The following CAST variants were observed in gnomAD, a reference collection of about 807,000 sequenced individuals.
The protein encoded by CAST is calpastatin, also known as MIR583 host.
CAST carries 76 observed loss-of-function variants against 119.6 expected under a neutral mutation model. The observed-to-expected ratio is 0.64, with a 90% CI of 0.53 to 0.77. CAST has a LOEUF of 0.77. Ranked by LOEUF, CAST falls within the 30% of genes least tolerant of loss-of-function variation. The pLI is 0.00. For missense variants in CAST, 953 were observed against 946.5 expected (o/e 1.01, Z -0.09); for synonymous variants, 319 against 331.6 (o/e 0.96, Z 0.41).
At chr5:96,688,629 T>G (rs1019193704) in intron 2 of CAST, among the ~76,000 whole-genome samples, 3 of 152,214 alleles carry the variant, frequency 2.0e-5, no homozygotes, top group Non-Finnish European at 4.4e-5. Context: ...ACAATTCTAT[T>G]CATATAACAT....
the CAST span, among the ~76,000 whole-genome samples, chr5:96,288,442 T>G: frequency 6.6e-6 from 1 of 152,176 alleles, no homozygotes; most frequent in African/African-American, 2.4e-5. Context: ...GCCATGCTCC[T>G]TTCCTCAGGT....
At chr5:95,993,289 G>A in the CAST span, among the ~76,000 whole-genome samples, 1 of 152,206 alleles carries the variant, frequency 6.6e-6, no homozygotes, top group Non-Finnish European at 1.5e-5. Context: ...AAATTTAAAT[G>A]TAAGGGCTAA....
intron 1 of CAST, among the ~76,000 whole-genome samples, chr5:96,628,462 C>A (rs1172312594): frequency 3.3e-5 from 5 of 152,206 alleles, no homozygotes; most frequent in African/African-American, 1.2e-4. Context: ...CCTAATAACA[C>A]ATGCAACATT....
intron 1 of CAST, among the ~76,000 whole-genome samples, chr5:96,560,717 G>A (rs2150184537): frequency 6.6e-6 from 1 of 152,012 alleles, no homozygotes; most frequent in South Asian, 2.1e-4. Flanking sequence ...TGCTGGAGAG[G>A]ATGTGGAGAA....
intron 3 of CAST, among the ~76,000 whole-genome samples, chr5:96,701,556 G>C (rs190057223): frequency 6.6e-6 from 1 of 152,162 alleles, no homozygotes; most frequent in Non-Finnish European, 1.5e-5. Context: ...TGTAATCCCA[G>C]CACTTTGGGA....
intron 3 of CAST, among the ~76,000 whole-genome samples, chr5:96,716,514 G>T (rs1328805128): frequency 1.3e-5 from 2 of 152,204 alleles, no homozygotes; most frequent in Non-Finnish European, 2.9e-5. Flanking sequence ...ACTATGTTAA[G>T]GCTCCGGGGA....
chr5:96,142,208 C>T, the CAST span, among the ~76,000 whole-genome samples: 656 of 152,114 alleles, frequency 4.3e-3, 5 homozygotes, highest in Non-Finnish European at 7.2e-3. Context: ...GTCAGGAGTT[C>T]GAGACAGCAT....
chr5:96,346,558 T>C, the CAST span, among the ~76,000 whole-genome samples: 6 of 152,152 alleles, frequency 3.9e-5, no homozygotes, highest in Admixed American at 6.5e-5. Context: ...CCTGGATTCG[T>C]ATATTCTACC....
intron 22 of CAST, among the ~76,000 whole-genome samples, chr5:96,756,825 C>T (rs1457672895): frequency 6.6e-6 from 1 of 152,156 alleles, no homozygotes; most frequent in Non-Finnish European, 1.5e-5. Context: ...GCCCCGCATG[C>T]TTTCTTCATT....
chr5:96,756,731 A>G (rs1184255617), intron 22 of CAST, among the ~76,000 whole-genome samples: 3 of 152,226 alleles, frequency 2.0e-5, no homozygotes, highest in Non-Finnish European at 2.9e-5. Flanking sequence ...ATTCATATAT[A>G]TGTATATCTT....
At chr5:96,159,057 C>T in the CAST span, among the ~76,000 whole-genome samples, 1 of 151,974 alleles carries the variant, frequency 6.6e-6, no homozygotes, top group African/African-American at 2.4e-5. Flanking sequence ...TCTAGGAGCC[C>T]CCTGGAATTT....
the CAST span, among the ~76,000 whole-genome samples, chr5:96,044,663 T>C: frequency 2.0e-5 from 3 of 152,192 alleles, no homozygotes; most frequent in Non-Finnish European, 4.4e-5. Context: ...ATGAGAATAT[T>C]CATAGTAGCA....
chr5:96,352,458 G>C, the CAST span, among the ~76,000 whole-genome samples: 1 of 152,094 alleles, frequency 6.6e-6, no homozygotes, highest in Non-Finnish European at 1.5e-5. Flanking sequence ...CTGTTTCTAA[G>C]GGTTTCAGAA....
chr5:96,242,182 G>A, the CAST span, among the ~76,000 whole-genome samples: 19,752 of 150,042 alleles, frequency 0.13, 1,604 homozygotes, highest in African/African-American at 0.22. Context: ...TTCTTCTAGG[G>A]TTTTTATGGT....
the CAST span, among the ~76,000 whole-genome samples, chr5:96,383,319 G>A: frequency 6.6e-6 from 1 of 152,230 alleles, no homozygotes; most frequent in Non-Finnish European, 1.5e-5. Flanking sequence ...ACCGGAGGAA[G>A]GCTAGTGTGC....
In CAST at chr5:96,637,938, G is replaced by A. The variant is rs1260386267; in HGVS notation, c.61-37601G>A. Among the ~76,000 whole-genome samples the A allele has an allele frequency of 1.3e-5, 2 of 152,102 alleles. 1 individual carries two copies. The highest frequency in any genetic ancestry group is 4.8e-5 in the African/African-American group (2 of 41,408). The stretch of plus-strand genomic sequence containing the variant: ...TTTGGAAAGAGATGGCTGGATCCCT[G>A]GACCACCACTATCTTTTGGAAACCC... On this transcript the variant is annotated intron_variant, in intron 1 of 11. Transcript: ENST00000505143.
chr5:96,308,888 T>G, the CAST span: 5 of 152,176 alleles, frequency 3.3e-5, no homozygotes, highest in African/African-American at 1.2e-4. Context: ...ATGAGGTGAG[T>G]GTCGGCCCCT....
chr5:96,686,052 A>G (rs1485840293), intron 2 of CAST, among the ~76,000 whole-genome samples: 1 of 151,904 alleles, frequency 6.6e-6, no homozygotes, highest in African/African-American at 2.4e-5. Context: ...ACACTAAGAG[A>G]GCTGCAGTTT....
chr5:96,254,123 G>A, the CAST span, among the ~76,000 whole-genome samples: 1 of 152,006 alleles, frequency 6.6e-6, no homozygotes, highest in Non-Finnish European at 1.5e-5. Flanking sequence ...TGGATTTTAA[G>A]TATTTATCTC....
Sources: gnomAD v4.1 joint callset for allele counts (sites outside exome capture counted in the v4.1 genomes callset) on GRCh38, gnomAD v4.1.1 for gene constraint, MANE v1.5 for transcripts, NCBI Gene and HGNC (gene_info 2026-07-23, HGNC 2026-07-21) for gene names.